The following SLC38A1 variants were observed in gnomAD, a reference collection of about 807,000 sequenced individuals.
SLC38A1 encodes solute carrier family 38 member 1.
In SLC38A1, 18 loss-of-function variants were observed where a neutral mutation model predicts 60.3. The observed-to-expected ratio is 0.30, with a 90% CI of 0.21 to 0.44. The LOEUF (loss-of-function observed/expected upper bound fraction) is 0.44. SLC38A1 is among the 20% of genes least tolerant of loss of function. The pLI, the probability that SLC38A1 is intolerant of heterozygous loss-of-function variation, is 1.00. For missense variants in SLC38A1, 448 were observed against 587.2 expected, an observed-to-expected ratio of 0.76 and a Z score of 2.45; for synonymous variants, 196 against 212.1, an observed-to-expected ratio of 0.92 and a Z score of 0.66.
chr12:46,210,451 A>G (rs535737285), intron 5 of SLC38A1, among the ~76,000 whole-genome samples: 3 of 152,226 alleles, frequency 2.0e-5, no homozygotes, highest in Non-Finnish European at 2.9e-5. Context: ...GCCAATAAAC[A>G]GGAATTTAGG....
chr12:46,223,401 T>C (rs372186665), intron 5 of SLC38A1, among the ~76,000 whole-genome samples: 50 of 152,032 alleles, frequency 3.3e-4, no homozygotes, highest in Admixed American at 8.5e-4. Flanking sequence ...CAGTGTGTAC[T>C]ATGCACCACG....
chr12:46,206,224 T>C, intron 8 of SLC38A1, 62 bp from the exon 9 acceptor site: 1 of 958,728 alleles, frequency 1.0e-6, no homozygotes, highest in East Asian at 2.5e-5. Flanking sequence ...TCCCCTCCAA[T>C]GTAAAATTTC....
rs1257733451 is a variant in SLC38A1, at chr12:46,188,995, G to C, written c.1439C>G (p.Ser480Ter). The C allele has an allele frequency of 6.2e-7, 1 of 1,613,596 alleles. No individual in the cohort carries two copies. The highest frequency in any genetic ancestry group is 1.1e-5 in the South Asian group (1 of 91,044). The change falls in exon 17 of 17, where the codon TCA (serine) becomes TGA (stop). Residue 480 changes from serine (S) to a stop codon, truncating the protein, a stop_gained. Coordinates refer to ENST00000398637, the MANE Select transcript of SLC38A1 (RefSeq NM_030674.4). LOFTEE classifies it high-confidence loss of function. ...TCAGTGGCCTTCGTCACTACTCGAT[G>C]AGCAGGCCCAGTCATAGATGACCAA... The part of the protein sequence containing the change: ...IPLVIYDWAC[S>*]SSSDEGH
At chr12:46,231,555 A>C (rs1941077983) in intron 3 of SLC38A1, among the ~76,000 whole-genome samples, 1 of 152,234 alleles carries the variant, frequency 6.6e-6, no homozygotes, top group African/African-American at 2.4e-5. Flanking sequence ...TCATGGTTAG[A>C]ACAAATGACA....
intron 1 of SLC38A1, among the ~76,000 whole-genome samples, chr12:46,263,177 T>C (rs773759116): frequency 6.6e-6 from 1 of 152,134 alleles, no homozygotes; most frequent in African/African-American, 2.4e-5. Context: ...GATCCAAGCA[T>C]GGTTATTTTA....
intron 2 of SLC38A1, among the ~76,000 whole-genome samples, chr12:46,242,041 T>C (rs973454023): frequency 6.6e-6 from 1 of 152,162 alleles, no homozygotes; most frequent in African/African-American, 2.4e-5. Context: ...TGTATGTATA[T>C]ATATGTGAGT....
At chr12:46,263,974 C>T (rs1942278010) in intron 1 of SLC38A1, among the ~76,000 whole-genome samples, 1 of 152,220 alleles carries the variant, frequency 6.6e-6, no homozygotes, top group African/African-American at 2.4e-5. Context: ...TGCTTTAAAT[C>T]TAAACCAATG....
At chr12:46,206,186 G>A in intron 8 of SLC38A1, 24 bp from the exon 9 acceptor site, 2 of 1,489,512 alleles carry the variant, frequency 1.3e-6, no homozygotes, top group South Asian at 1.3e-5. Context: ...AAGTGATTAG[G>A]TTATATTTTT....
intron 1 of SLC38A1, among the ~76,000 whole-genome samples, chr12:46,254,615 G>A (rs1941963125): frequency 6.6e-6 from 1 of 152,144 alleles, no homozygotes; most frequent in Non-Finnish European, 1.5e-5. Context: ...GGTCTGTGTA[G>A]GCAAGTATGA....
intron 6 of SLC38A1, 124 bp from the exon 7 acceptor site, chr12:46,207,745 A>G (rs1205508100): frequency 2.4e-5 from 22 of 911,630 alleles, no homozygotes; most frequent in Middle Eastern, 2.3e-4. Flanking sequence ...AACTCACACA[A>G]ATAGTCATTT....
intron 2 of SLC38A1, among the ~76,000 whole-genome samples, chr12:46,242,744 C>A (rs1328412738): frequency 6.6e-6 from 1 of 152,128 alleles, no homozygotes. Flanking sequence ...CAAAGCTCCA[C>A]TGAAATGTGA....
At chr12:46,196,211 A>G (rs766045994) in intron 16 of SLC38A1, 7 of 1,535,960 alleles carry the variant, frequency 4.6e-6, no homozygotes, top group Non-Finnish European at 6.1e-6. Flanking sequence ...AGAGCGCTGC[A>G]GGGAGAAGGA....
At chr12:46,222,095 T>C (rs547507930) in intron 5 of SLC38A1, among the ~76,000 whole-genome samples, 5 of 152,328 alleles carry the variant, frequency 3.3e-5, no homozygotes, top group Admixed American at 1.3e-4. Context: ...TGGCACAGCA[T>C]TGACAGAGTC....
chr12:46,265,403 C>T (rs1030144952), intron 1 of SLC38A1, among the ~76,000 whole-genome samples: 14 of 152,182 alleles, frequency 9.2e-5, no homozygotes, highest in African/African-American at 3.1e-4. Context: ...GAACACTTCT[C>T]CCAAGAGGTG....
At chr12:46,205,093 T>C (rs1171262702) in intron 9 of SLC38A1, among the ~76,000 whole-genome samples, 3 of 152,170 alleles carry the variant, frequency 2.0e-5, no homozygotes, top group Admixed American at 2.0e-4. Flanking sequence ...GTAAATTGAG[T>C]ATCTGGGGCT....
intron 5 of SLC38A1, among the ~76,000 whole-genome samples, chr12:46,222,359 C>G (rs576263363): frequency 6.6e-6 from 1 of 152,076 alleles, no homozygotes; most frequent in Non-Finnish European, 1.5e-5. Flanking sequence ...GCCAACAGTT[C>G]TCTTGTGTAC....
intron 3 of SLC38A1, among the ~76,000 whole-genome samples, chr12:46,233,304 G>A (rs923959843): frequency 6.6e-6 from 1 of 152,012 alleles, no homozygotes; most frequent in Non-Finnish European, 1.5e-5. Flanking sequence ...GATTACAGGT[G>A]TGAGCCACTG....
chr12:46,213,989 T>C (rs1269374715), intron 5 of SLC38A1, among the ~76,000 whole-genome samples: 1 of 152,228 alleles, frequency 6.6e-6, no homozygotes, highest in Non-Finnish European at 1.5e-5. Context: ...TCTATGAAGA[T>C]AGTCCCATGA....
At chr12:46,242,625 A>G (rs1215059596) in intron 2 of SLC38A1, among the ~76,000 whole-genome samples, 1 of 152,106 alleles carries the variant, frequency 6.6e-6, no homozygotes, top group South Asian at 2.1e-4. Context: ...CAAAAAAACA[A>G]AACAACAACA....
Sources: gnomAD v4.1 joint callset for allele counts (sites outside exome capture counted in the v4.1 genomes callset) on GRCh38, gnomAD v4.1.1 for gene constraint, MANE v1.5 for transcripts, NCBI Gene and HGNC (gene_info 2026-07-23, HGNC 2026-07-21) for gene names.